The following PACRGL variants were observed in gnomAD, a reference collection of about 807,000 sequenced individuals.
PACRGL encodes PACRG-like protein.
In PACRGL, 38 loss-of-function variants were observed where a neutral mutation model predicts 34.5. That is an observed-to-expected ratio of 1.10 (90% CI 0.85 to 1.44). PACRGL has a LOEUF of 1.44. Ranked by LOEUF, PACRGL falls within the 40% of genes most tolerant of loss-of-function variation. The pLI, the probability that PACRGL is intolerant of heterozygous loss-of-function variation, is 0.00. For missense variants in PACRGL, 305 were observed against 281.4 expected (o/e 1.08, Z -0.60); for synonymous variants, 128 against 100.1 (o/e 1.28, Z -1.66).
At chr4:20,765,713 TC>T in the PACRGL span, among the ~76,000 whole-genome samples, 1 of 152,204 alleles carries the variant, frequency 6.6e-6, no homozygotes, top group Non-Finnish European at 1.5e-5. Context: ...CCATTGCATT[TC>T]TTTCATTGCC....
chr4:20,741,192 A>G (rs947190516), intron 8 of PACRGL, among the ~76,000 whole-genome samples: 4 of 152,204 alleles, frequency 2.6e-5, no homozygotes, highest in African/African-American at 9.7e-5. Context: ...GATATCCAGG[A>G]CTTGAACTCA....
intron 1 of PACRGL, chr4:20,701,624 CACAA>C (rs1578085898): frequency 2.4e-5 from 7 of 287,834 alleles, no homozygotes; most frequent in South Asian, 2.4e-4. Flanking sequence ...AGCTTGCTTT[CACAA>C]ACAACTCATG....
intron 6 of PACRGL, 139 bp downstream of exon 6, chr4:20,713,061 A>G (rs3764966): frequency 0.3 from 283,759 of 933,948 alleles, 44,887 homozygotes; most frequent in African/African-American, 0.43. Context: ...TGACACATTT[A>G]CAGAATTAGG....
intron 7 of PACRGL, among the ~76,000 whole-genome samples, chr4:20,717,165 C>G (rs1040385526): frequency 5.9e-5 from 9 of 152,180 alleles, no homozygotes; most frequent in Admixed American, 3.3e-4. Flanking sequence ...CCTTCACCCA[C>G]TTTTTGATGG....
chr4:20,764,152 T>A, the PACRGL span, among the ~76,000 whole-genome samples: 1 of 152,096 alleles, frequency 6.6e-6, no homozygotes, highest in Non-Finnish European at 1.5e-5. Flanking sequence ...GTCTGATTAT[T>A]AGCAAATGAT....
chr4:20,729,872 C>G lies in PACRGL; in HGVS notation c.*2531C>G. ...CAGAGTATGAAATGAGTTAGACCAT[C>G]CCCTGAACTCAGTGGCATTATGAAA... On this transcript the variant is annotated 3_prime_UTR_variant, in exon 9 of 9. Transcript: ENST00000503585. 1 of 464,870 alleles carries G rather than the reference C, an allele frequency of 2.2e-6. No homozygotes were observed. The highest frequency in any genetic ancestry group is 3.4e-5 in the East Asian group (1 of 29,324). The allele number at this position is 464,870 out of a possible 1,614,324, so 28.8% of individuals were successfully genotyped here.
At chr4:20,751,590 T>C (rs1753647398) in intron 8 of PACRGL, among the ~76,000 whole-genome samples, 1 of 152,156 alleles carries the variant, frequency 6.6e-6, no homozygotes, top group Admixed American at 6.5e-5. Flanking sequence ...TAAGCAAGTC[T>C]CTAGTTACCC....
chr4:20,732,813 G>C, downstream of PACRGL: 1 of 1,314,866 alleles, frequency 7.6e-7, no homozygotes, highest in Non-Finnish European at 1.1e-6. Context: ...CTCACGTGAG[G>C]CTGCACACAT....
the PACRGL span, among the ~76,000 whole-genome samples, chr4:20,766,185 A>G: frequency 6.6e-6 from 1 of 152,160 alleles, no homozygotes; most frequent in Non-Finnish European, 1.5e-5. Flanking sequence ...AAATGAATGA[A>G]CTGTCTTAGA....
chr4:20,739,293 C>A (rs1275791451), intron 8 of PACRGL, among the ~76,000 whole-genome samples: 15 of 152,192 alleles, frequency 9.9e-5, no homozygotes, highest in Non-Finnish European at 2.2e-4. Flanking sequence ...TCAAGTGGGT[C>A]CCTGACCCCC....
At chr4:20,716,903 C>T (rs1436765782) in intron 7 of PACRGL, among the ~76,000 whole-genome samples, 4 of 152,312 alleles carry the variant, frequency 2.6e-5, no homozygotes, top group South Asian at 2.1e-4. Flanking sequence ...CTTGAGGAAT[C>T]GCCACACTGT....
At chr4:20,722,581 G>A (rs1302332862) in intron 7 of PACRGL, among the ~76,000 whole-genome samples, 1 of 152,150 alleles carries the variant, frequency 6.6e-6, no homozygotes, top group Non-Finnish European at 1.5e-5. Context: ...GTTTTTATTG[G>A]TGTCTGTCAT....
rs1560397101 is a variant in PACRGL at position 20,730,051 on chromosome 4, TG to T, written c.*2711del. Reference sequence around the variant, plus strand: ...TAAGGGTGGTAGAATAGTTCACATTTGTCTGTTGGATTCAGGATCTATTTGA... The same window carrying T: ...TAAGGGTGGTAGAATAGTTCACATTTTCTGTTGGATTCAGGATCTATTTGA... On this transcript the variant is annotated 3_prime_UTR_variant, in exon 9 of 9. Transcript: ENST00000503585. The T allele has an allele frequency of 6.3e-7, 1 of 1,598,452 alleles. No individual in the cohort carries two copies. The highest frequency in any genetic ancestry group is 1.1e-5 in the South Asian group (1 of 87,946).
chr4:20,765,200 A>G, the PACRGL span, among the ~76,000 whole-genome samples: 1 of 152,192 alleles, frequency 6.6e-6, no homozygotes, highest in Non-Finnish European at 1.5e-5. Context: ...GTGGAATATA[A>G]CATTTAGTGG....
upstream of PACRGL, among the ~76,000 whole-genome samples, chr4:20,700,254 C>T (rs1019491919): frequency 2.0e-5 from 3 of 152,242 alleles, no homozygotes. Flanking sequence ...ATTCGAAAAA[C>T]ATCCTCCACC....
chr4:20,735,976 C>T (rs11945467), downstream of PACRGL, among the ~76,000 whole-genome samples: 94 of 152,322 alleles, frequency 6.2e-4, no homozygotes, highest in African/African-American at 2.2e-3. Flanking sequence ...CCCTTTCTCA[C>T]ATTCCTTCCT....
chr4:20,744,323 G>A (rs369669317), intron 8 of PACRGL, among the ~76,000 whole-genome samples: 7 of 152,088 alleles, frequency 4.6e-5, no homozygotes, highest in African/African-American at 1.7e-4. Flanking sequence ...TGTTTATTGC[G>A]GCACTATTCA....
chr4:20,750,133 A>T (rs1578517329), intron 8 of PACRGL, among the ~76,000 whole-genome samples: 1 of 152,200 alleles, frequency 6.6e-6, no homozygotes, highest in Admixed American at 6.6e-5. Context: ...ATGAGTTGCT[A>T]TTATTAGTGT....
chr4:20,742,358 G>A (rs1751328771), intron 8 of PACRGL, among the ~76,000 whole-genome samples: 3 of 152,114 alleles, frequency 2.0e-5, no homozygotes, highest in Non-Finnish European at 2.9e-5. Context: ...ACATCAAAAA[G>A]CTTATCCACC....
Sources: allele counts gnomAD v4.1 joint callset (sites outside exome capture counted in the v4.1 genomes callset), GRCh38; gene constraint gnomAD v4.1.1; transcripts MANE v1.5; gene names NCBI Gene and HGNC (gene_info 2026-07-23, HGNC 2026-07-21).